The following NDUFV2 variants were observed in gnomAD, a reference collection of about 807,000 sequenced individuals.
NDUFV2 encodes NADH dehydrogenase [ubiquinone] flavoprotein 2, mitochondrial.
In NDUFV2, 18 loss-of-function variants were observed where a neutral mutation model predicts 31.6. The observed-to-expected ratio is 0.57, with a 90% CI of 0.39 to 0.84. The LOEUF (loss-of-function observed/expected upper bound fraction) is 0.84, where lower values mean the gene tolerates loss of function less well. Among genes scored for constraint, NDUFV2 ranks in the 40% least tolerant of loss-of-function variants. The pLI is 0.00. For synonymous variants in NDUFV2, 83 were observed against 99.8 expected (o/e 0.83, Z 1.01); for missense variants, 314 against 303.6 (o/e 1.03, Z -0.26).
intron 4 of NDUFV2, among the ~76,000 whole-genome samples, chr18:9,122,294 CTTTCG>C (rs1464961928): frequency 4.3e-4 from 65 of 152,150 alleles, no homozygotes; most frequent in Admixed American, 2.6e-4. Flanking sequence ...ACTCCATTAA[CTTTCG>C]GGCTCTGTAT....
At chr18:9,103,372 A>G (rs1307713984) in intron 1 of NDUFV2, 2 of 376,624 alleles carry the variant, frequency 5.3e-6, no homozygotes, top group East Asian at 3.9e-5. Context: ...ACAGCACCCA[A>G]TTAAAGAACC....
chr18:9,102,702 C>G lies in NDUFV2; in HGVS notation c.-42C>G, dbSNP rs779074938. 9.6e-6 allele frequency: 15 copies of G among 1,563,346 alleles called. No homozygotes were observed. Among genetic ancestry groups the G allele is most frequent in the Admixed American group, 1.9e-5 (1 of 53,014 alleles). On this transcript the variant is annotated 5_prime_UTR_variant, in exon 1 of 8. Coordinates refer to ENST00000318388, the MANE Select transcript of NDUFV2 (RefSeq NM_021074.5). ...GTGCGCCCTGGGCGCGCTCGGGATT[C>G]TCGCCTGGCGCGGCTGGGGAAGGTG...
At chr18:9,110,430 A>T (rs1288348548) in intron 1 of NDUFV2, among the ~76,000 whole-genome samples, 3 of 152,152 alleles carry the variant, frequency 2.0e-5, no homozygotes, top group African/African-American at 7.2e-5. Context: ...ATAACAGTTT[A>T]TGCCAGTTGA....
intron 5 of NDUFV2, 72 bp from the exon 6 acceptor site, chr18:9,124,802 T>C (rs1598349681): frequency 2.2e-5 from 1 of 46,334 alleles, no homozygotes; most frequent in Non-Finnish European, 4.2e-5. Flanking sequence ...ATAAAAATTC[T>C]TTTTTTTTTT....
chr18:9,108,174 G>A (rs73388195), intron 1 of NDUFV2, among the ~76,000 whole-genome samples: 3,297 of 152,042 alleles, frequency 0.022, 120 homozygotes, highest in African/African-American at 0.075. Context: ...GTAATACCTG[G>A]GCTCTTCATG....
At chr18:9,104,706 C>G (rs2077832743) in intron 1 of NDUFV2, among the ~76,000 whole-genome samples, 1 of 151,844 alleles carries the variant, frequency 6.6e-6, no homozygotes, top group East Asian at 1.9e-4. Context: ...GTCTCCCCTT[C>G]TCCCTCCCCC....
chr18:9,106,761 G>A (rs760172013), intron 1 of NDUFV2, among the ~76,000 whole-genome samples: 7 of 152,182 alleles, frequency 4.6e-5, no homozygotes, highest in Non-Finnish European at 8.8e-5. Context: ...TAAAATTAAA[G>A]TGTAGCCCGA....
At chr18:9,128,932 TC>T (rs71356301) in intron 7 of NDUFV2, among the ~76,000 whole-genome samples, 2 of 151,910 alleles carry the variant, frequency 1.3e-5, no homozygotes, top group Non-Finnish European at 1.5e-5. Flanking sequence ...TTGGGCTTCC[TC>T]CCCCCCACTC....
At position 9,105,057 on chromosome 18, in the gene NDUFV2, T is replaced by G. The variant is rs1402026428; in HGVS notation, c.54+2260T>G. On this transcript the variant is annotated intron_variant, in intron 1 of 7. Transcript: ENST00000318388. ...TCCTTATCAGTAGACATTTCTATAC[T>G]GTCATTTTAATGCTACATAGCATTC... The G allele has an allele frequency of 2.9e-6, 4 of 1,398,872 alleles. No homozygotes were observed. The African/African-American group carries it at 5.7e-5, about 20-fold the overall frequency. The allele number at this position is 1,398,872 out of a possible 1,614,324, so 86.7% of individuals were successfully genotyped here.
rs1253769735 is a variant in NDUFV2, at chr18:9,122,007, T to TA, written c.301-505dup. Among the ~76,000 whole-genome samples the TA allele has an allele frequency of 2.0e-5, 3 of 152,182 alleles. No individual in the cohort carries two copies. The East Asian group carries it at 5.8e-4, about 29-fold the overall frequency. ...AAATTTTGAGTTTACATATTTAAAA[T>TA]ATGGGCCAATAGTGAGCTTTGATTT... On this transcript the variant is annotated intron_variant, in intron 4 of 7. Coordinates refer to ENST00000318388, the MANE Select transcript of NDUFV2 (RefSeq NM_021074.5).
chr18:9,104,443 A>G (rs1306046961), intron 1 of NDUFV2, among the ~76,000 whole-genome samples: 1 of 152,222 alleles, frequency 6.6e-6, no homozygotes, highest in Non-Finnish European at 1.5e-5. Flanking sequence ...GAGACTAAGT[A>G]GATAAGAGGC....
intron 6 of NDUFV2, 158 bp downstream of exon 6, chr18:9,125,141 T>G (rs917858805): frequency 2.5e-6 from 2 of 812,512 alleles, no homozygotes; most frequent in Non-Finnish European, 3.7e-6. Flanking sequence ...CTTTAAACAT[T>G]TTTGCATTTA....
At chr18:9,104,710 C>T (rs2077832778) in intron 1 of NDUFV2, among the ~76,000 whole-genome samples, 1 of 151,922 alleles carries the variant, frequency 6.6e-6, no homozygotes. Context: ...CCCCTTCTCC[C>T]TCCCCCTTCC....
intron 5 of NDUFV2, among the ~76,000 whole-genome samples, chr18:9,123,531 G>A (rs2077958956): frequency 6.6e-6 from 1 of 151,724 alleles, no homozygotes; most frequent in African/African-American, 2.4e-5. Flanking sequence ...TTGTCACCAG[G>A]CTGGAATGCA....
chr18:9,129,062 C>T (rs774739954), intron 7 of NDUFV2, among the ~76,000 whole-genome samples: 17 of 152,130 alleles, frequency 1.1e-4, no homozygotes, highest in African/African-American at 4.1e-4. Context: ...CTCAGTCTCC[C>T]GAGCAGCTGG....
chr18:9,122,412 A>G (rs2144746945), intron 4 of NDUFV2, 101 bp from the exon 5 acceptor site: 5 of 1,130,734 alleles, frequency 4.4e-6, no homozygotes, highest in Non-Finnish European at 5.2e-6. Context: ...TTCTGTTTTT[A>G]CCAAATTGAG....
At chr18:9,127,547 G>T (rs1335641030) in intron 7 of NDUFV2, among the ~76,000 whole-genome samples, 2 of 152,124 alleles carry the variant, frequency 1.3e-5, no homozygotes, top group Admixed American at 6.5e-5. Context: ...TCTCAGCTCA[G>T]TGCAAGCTCC....
chr18:9,128,660 G>T (rs1057226054), intron 7 of NDUFV2, among the ~76,000 whole-genome samples: 8 of 151,986 alleles, frequency 5.3e-5, no homozygotes, highest in African/African-American at 1.2e-4. Flanking sequence ...ACTTATTCTT[G>T]CTTTAAATAG....
chr18:9,112,482 TTTTG>T (rs1288731580), intron 1 of NDUFV2: 2 of 152,336 alleles, frequency 1.3e-5, no homozygotes, highest in African/African-American at 4.8e-5. Context: ...CATTGGGTTT[TTTTG>T]TTTGTTTTTG....
Sources: allele counts gnomAD v4.1 joint callset (sites outside exome capture counted in the v4.1 genomes callset), GRCh38; gene constraint gnomAD v4.1.1; transcripts MANE v1.5; gene names NCBI Gene and HGNC (gene_info 2026-07-23, HGNC 2026-07-21).